The following SMARCD3 variants were observed in gnomAD, a reference collection of about 807,000 sequenced individuals.
The protein encoded by SMARCD3 is SWI/SNF related BAF chromatin remodeling complex subunit D3.
A neutral mutation model predicts 58.0 loss-of-function variants in SMARCD3; 14 were observed. The ratio of observed to expected loss-of-function variants is 0.24; its 90% CI spans 0.16 to 0.38. The LOEUF (loss-of-function observed/expected upper bound fraction) is 0.38. SMARCD3 is among the 10% of genes least tolerant of loss of function. SMARCD3 has a pLI of 1.00. For synonymous variants in SMARCD3, 253 were observed against 253.8 expected (o/e 1.00, Z 0.03); for missense variants, 408 against 636.9 (o/e 0.64, Z 3.87).
chr7:151,247,526 C>T (rs931375005), intron 1 of SMARCD3, among the ~76,000 whole-genome samples: 2 of 152,150 alleles, frequency 1.3e-5, no homozygotes, highest in African/African-American at 4.8e-5. Context: ...CCAGCCCCAT[C>T]CCCATGAAAG....
intron 2 of SMARCD3, among the ~76,000 whole-genome samples, chr7:151,271,898 G>A (rs1795184684): frequency 6.6e-6 from 1 of 152,314 alleles, no homozygotes; most frequent in Admixed American, 6.5e-5. Flanking sequence ...GTTGGAGGCT[G>A]CAGTGAGCCA....
In SMARCD3 at chr7:151,243,718, G is replaced by T. The variant is rs780497479; in HGVS notation, c.291-17C>A. ...CTCTTGGCACTGTACATTTTTTAAA[G>T]AAAAAACCAGGTTACCATGGCGACA... is the stretch of plus-strand genomic sequence containing the variant. On this transcript the variant is annotated splice_polypyrimidine_tract_variant and intron_variant, in intron 2 of 12. Coordinates refer to ENST00000262188, the MANE Select transcript of SMARCD3 (RefSeq NM_001003801.2). The surrounding 1 kb of genome is among the most constrained non-coding windows in gnomAD (Gnocchi z 4.4). The T allele has an allele frequency of 9.3e-5, 148 of 1,598,774 alleles. No homozygotes were observed. The highest frequency in any genetic ancestry group is 1.2e-4 in the Non-Finnish European group (141 of 1,166,224).
upstream of SMARCD3, among the ~76,000 whole-genome samples, chr7:151,249,700 CTGGGTATAG>C (rs1435788205): frequency 1.3e-5 from 2 of 151,232 alleles, no homozygotes; most frequent in African/African-American, 4.9e-5. The surrounding 1 kb of genome is among the most constrained non-coding windows in gnomAD (Gnocchi z 4.8). Context: ...GGCAGCTGGG[CTGGGTATAG>C]TGGGTATATT....
At chr7:151,250,413 T>A (rs114182572), upstream of SMARCD3, among the ~76,000 whole-genome samples, 1,440 of 152,042 alleles carry the variant, frequency 9.5e-3, 28 homozygotes, top group African/African-American at 0.033. Flanking sequence ...CCATAGGTCA[T>A]GCTGCTGGGA....
rs552440384 is a variant in SMARCD3, at chr7:151,239,988, CTTTT to C, written c.1173+120_1173+123del. The stretch of plus-strand genomic sequence containing the variant: ...GTCCCATTGGCCCAGAGTCTGGTCT[CTTTT>C]TTTTTTTTTTTTTTAATTTAACCCA... On this transcript the variant is annotated intron_variant, in intron 10 of 12. Transcript: ENST00000262188. This position sits in a 1 kb window ranked among gnomAD's most constrained non-coding sequence, Gnocchi z 7.0. 2.3e-4 allele frequency: 191 copies of C among 830,108 alleles called. No homozygotes were observed. The highest frequency in any genetic ancestry group is 3.7e-4 in the Middle Eastern group (1 of 2,718). 51.4% of individuals were successfully genotyped at this position (830,108 alleles called of 1,614,324 possible).
At chr7:151,248,791 T>G (rs1803405416), upstream of SMARCD3, 1 of 669,298 alleles carries the variant, frequency 1.5e-6, no homozygotes, top group Non-Finnish European at 1.9e-6. This position sits in a 1 kb window ranked among gnomAD's most constrained non-coding sequence, Gnocchi z 6.1. Context: ...GCCGCATTCC[T>G]GCACTGATAA....
Position 151,239,363 on chromosome 7 carries a change from T to C in SMARCD3, c.1398+33A>G. 1 of 1,550,094 alleles carries C rather than the reference T, an allele frequency of 6.5e-7. No homozygotes were observed. The highest frequency in any genetic ancestry group is 8.9e-7 in the Non-Finnish European group (1 of 1,122,480). ...GGGAGGTTTCTCTTGGAGTTGAGGA[T>C]GGGGAAGCCTCAGGGCAAGGGTCCC... On this transcript the variant is annotated intron_variant, in intron 12 of 12. Coordinates refer to ENST00000262188, the MANE Select transcript of SMARCD3 (RefSeq NM_001003801.2). The surrounding 1 kb of genome is among the most constrained non-coding windows in gnomAD (Gnocchi z 7.0).
intron 2 of SMARCD3, among the ~76,000 whole-genome samples, chr7:151,269,522 G>A (rs1020659278): frequency 3.9e-5 from 6 of 152,200 alleles, no homozygotes; most frequent in Admixed American, 2.0e-4. Context: ...GGCTGGATGG[G>A]AGCTGTGGGC....
At chr7:151,259,613 T>TGTTGTTTG (rs778082158) in intron 2 of SMARCD3, among the ~76,000 whole-genome samples, 1 of 125,942 alleles carries the variant, frequency 7.9e-6, no homozygotes, top group African/African-American at 3.6e-5. Context: ...TTTTTTTTTT[T>TGTTGTTTG]TTTTTTTTTT....
chr7:151,241,348 C>T lies in SMARCD3; in HGVS notation c.939+144G>A. On this transcript the variant is annotated intron_variant, in intron 8 of 12. Coordinates refer to ENST00000262188, the MANE Select transcript of SMARCD3 (RefSeq NM_001003801.2). The surrounding 1 kb of genome is among the most constrained non-coding windows in gnomAD (Gnocchi z 5.3). ...CCTGAACTAGAATCCTGGTCGGTCT[C>T]TTGGCTCCAAGACCATGACTGTGTA... 1.3e-6 allele frequency: 1 copy of T among 770,934 alleles called. No homozygotes were observed. The highest frequency in any genetic ancestry group is 1.5e-5 in the South Asian group (1 of 67,872). 47.8% of individuals were successfully genotyped at this position (770,934 alleles called of 1,614,324 possible). A position where few individuals can be genotyped will look rare whatever the true frequency, so the allele number is the denominator to read the frequency against.
rs1299090733 is a variant in SMARCD3, at chr7:151,239,597, C to A, written c.1296+27G>T. On this transcript the variant is annotated intron_variant, in intron 11 of 12. Transcript: ENST00000262188. The surrounding 1 kb of genome is among the most constrained non-coding windows in gnomAD (Gnocchi z 7.0). ...TTCCCGCTGTGCTTGTCTTCCACTC[C>A]AGTACTCCCTGAGTCTCCCTCTTCA... 2.5e-6 allele frequency: 4 copies of A among 1,613,960 alleles called. No homozygotes were observed. The Admixed American group carries it at 6.7e-5, about 27-fold the overall frequency.
At chr7:151,273,149 A>G (rs893970034) in intron 2 of SMARCD3, among the ~76,000 whole-genome samples, 7 of 152,220 alleles carry the variant, frequency 4.6e-5, no homozygotes, top group African/African-American at 1.7e-4. Context: ...CAACTCCAAG[A>G]TAAGATGCCA....
intron 8 of SMARCD3, 135 bp from the exon 9 acceptor site, chr7:151,240,657 A>G: frequency 2.2e-6 from 1 of 448,286 alleles, no homozygotes; most frequent in Non-Finnish European, 4.0e-6. Flanking sequence ...TGGGGATGGG[A>G]TTGGGGTGGG....
chr7:151,254,769 G>A lies in SMARCD3; in HGVS notation c.40-9098C>T, dbSNP rs76891721. Among the ~76,000 whole-genome samples, 909 of 152,252 alleles carry A rather than the reference G, an allele frequency of 6.0e-3. 5 individuals carry two copies. Among genetic ancestry groups the A allele is most frequent in the African/African-American group, 0.021 (853 of 41,536 alleles). On this transcript the variant is annotated intron_variant, in intron 2 of 13. Coordinates refer to the SMARCD3 transcript ENST00000356800. ...GGCCCAGCGTCCTGCCCCTCACCTC[G>A]GGAAGCTTCTGAGGACTTGTGAGGC...
intron 2 of SMARCD3, among the ~76,000 whole-genome samples, chr7:151,266,072 C>T (rs549113851): frequency 2.6e-5 from 4 of 152,084 alleles, no homozygotes; most frequent in Non-Finnish European, 5.9e-5. Flanking sequence ...TGGTTTCAAG[C>T]GATTCTCATG....
In SMARCD3 at chr7:151,239,154, G is replaced by A; in HGVS notation, c.1401C>T (p.Ile467=). The change falls in exon 13 of 13, where the codon ATC becomes ATT. Residue 467 remains isoleucine (I), a splice_region_variant and synonymous_variant. Coordinates refer to ENST00000262188, the MANE Select transcript of SMARCD3 (RefSeq NM_001003801.2). The surrounding 1 kb of genome is among the most constrained non-coding windows in gnomAD (Gnocchi z 7.0). ...GCTCCAGCTCCTGCCTGCGCTGCTG[G>A]ATCTTTAGAGGAAGTGAGAACAGGA... ...EAVSRYFYCK[I]QQRRQELEQS... 1 of 1,614,114 alleles carries A rather than the reference G, an allele frequency of 6.2e-7. No homozygotes were observed. Among genetic ancestry groups the A allele is most frequent in the Non-Finnish European group, 8.5e-7 (1 of 1,179,994 alleles).
intron 2 of SMARCD3, among the ~76,000 whole-genome samples, chr7:151,264,132 C>A (rs543689862): frequency 6.6e-6 from 1 of 150,546 alleles, no homozygotes; most frequent in South Asian, 2.1e-4. Flanking sequence ...GACCTTGGCT[C>A]ACTGCAACCT....
Position 151,242,106 on chromosome 7 carries a change from A to AC in SMARCD3, c.675+30_675+31insG. ...GGATTCTGGCCTGTGGGAGGGTGGC[A>AC]ATTCAAGGGCGGAGGGGCTCTTGGT... On this transcript the variant is annotated intron_variant, in intron 6 of 12. Coordinates refer to ENST00000262188, the MANE Select transcript of SMARCD3 (RefSeq NM_001003801.2). This position sits in a 1 kb window ranked among gnomAD's most constrained non-coding sequence, Gnocchi z 4.7. The AC allele has an allele frequency of 1.9e-6, 3 of 1,569,296 alleles. No homozygotes were observed. The highest frequency in any genetic ancestry group is 4.5e-5 in the East Asian group (2 of 44,654).
In SMARCD3 at chr7:151,242,056, A is replaced by G; in HGVS notation, c.676-78T>C. 6.5e-7 allele frequency: 1 copy of G among 1,543,430 alleles called. No homozygotes were observed. Among genetic ancestry groups the G allele is most frequent in the Non-Finnish European group, 9.0e-7 (1 of 1,116,416 alleles). ...GCCCAGGACTCTAGGGTGGTCCCTG[A>G]CCCAAATCTGTGCTGGTTCTTCAGG... On this transcript the variant is annotated intron_variant, in intron 6 of 12. Transcript: ENST00000262188. This position sits in a 1 kb window ranked among gnomAD's most constrained non-coding sequence, Gnocchi z 4.7.
Sources: gnomAD v4.1 joint callset for allele counts (sites outside exome capture counted in the v4.1 genomes callset) on GRCh38, gnomAD v4.1.1 for gene constraint, Gnocchi (gnomAD v3.1) non-coding constraint, MANE v1.5 for transcripts, NCBI Gene and HGNC (gene_info 2026-07-23, HGNC 2026-07-21) for gene names.